Variants in KLF12 observed in about 807,000 individuals in gnomAD.
KLF12 encodes the protein Krueppel-like factor 12.
A neutral mutation model predicts 37.8 loss-of-function variants in KLF12; 9 were observed. The ratio of observed to expected loss-of-function variants is 0.24; its 90% CI spans 0.14 to 0.42. KLF12 has a LOEUF of 0.42. KLF12 is among the 10% of genes least tolerant of loss of function. The probability of loss-of-function intolerance (pLI) is 1.00; values close to 1 mark genes in which losing one functional copy is unlikely to be tolerated. For missense variants in KLF12, 411 were observed against 516.0 expected, an observed-to-expected ratio of 0.80 and a Z score of 1.97; for synonymous variants, 208 against 202.1, an observed-to-expected ratio of 1.03 and a Z score of -0.25.
chr13:74,077,138 T>C (rs1431218659), intron 1 of KLF12, among the ~76,000 whole-genome samples: 1 of 152,148 alleles, frequency 6.6e-6, no homozygotes, highest in South Asian at 2.1e-4. Context: ...GCAGAATAAT[T>C]TGTATTCCTC....
At chr13:73,989,952 G>A (rs1286956994) in intron 2 of KLF12, among the ~76,000 whole-genome samples, 2 of 145,262 alleles carry the variant, frequency 1.4e-5, no homozygotes, top group African/African-American at 5.0e-5. Context: ...AGAGGTACAA[G>A]TGTAAGTTCA....
intron 3 of KLF12, among the ~76,000 whole-genome samples, chr13:73,876,283 C>T (rs367717004): frequency 6.6e-6 from 1 of 152,140 alleles, no homozygotes; most frequent in African/African-American, 2.4e-5. Context: ...AGATGCCTTT[C>T]GGCTTTTAGC....
At chr13:74,019,637 CA>C (rs1199112945) in intron 1 of KLF12, among the ~76,000 whole-genome samples, 2 of 152,174 alleles carry the variant, frequency 1.3e-5, no homozygotes, top group Non-Finnish European at 2.9e-5. Context: ...GATTAAAATA[CA>C]ATTTCTCCTT....
intron 1 of KLF12, among the ~76,000 whole-genome samples, chr13:74,131,066 C>T (rs1164145521): frequency 6.6e-6 from 1 of 152,192 alleles, no homozygotes; most frequent in Non-Finnish European, 1.5e-5. Context: ...CCAACACTGG[C>T]TTGAATTCAA....
chr13:73,738,190 GC>G (rs563743754), intron 6 of KLF12, among the ~76,000 whole-genome samples: 60 of 135,224 alleles, frequency 4.4e-4, no homozygotes, highest in Non-Finnish European at 7.4e-4. Flanking sequence ...TGTCACCCAG[GC>G]TAGAGTGCAG....
intron 3 of KLF12, among the ~76,000 whole-genome samples, chr13:73,926,745 G>C (rs1889396501): frequency 6.6e-6 from 1 of 151,698 alleles, no homozygotes; most frequent in Non-Finnish European, 1.5e-5. Flanking sequence ...AAATGGTTCG[G>C]TTTTAAGCAC....
intron 2 of KLF12, among the ~76,000 whole-genome samples, chr13:73,962,820 A>G (rs1327760051): frequency 6.6e-6 from 1 of 152,212 alleles, no homozygotes; most frequent in Non-Finnish European, 1.5e-5. Context: ...TATAATTAAT[A>G]TTTAGACATA....
intron 2 of KLF12, among the ~76,000 whole-genome samples, chr13:73,976,691 G>C (rs1891533709): frequency 6.6e-6 from 1 of 152,164 alleles, no homozygotes; most frequent in Non-Finnish European, 1.5e-5. Flanking sequence ...TCATCACGCT[G>C]AAAGAAACTA....
intron 1 of KLF12, among the ~76,000 whole-genome samples, chr13:74,069,071 G>A (rs796442555): frequency 1.8e-4 from 28 of 152,204 alleles, no homozygotes; most frequent in African/African-American, 6.7e-4. Context: ...AAATGTAATG[G>A]GATAGACAGA....
At chr13:74,002,186 C>T (rs148900178) in intron 1 of KLF12, among the ~76,000 whole-genome samples, 14 of 152,184 alleles carry the variant, frequency 9.2e-5, no homozygotes, top group Admixed American at 5.2e-4. Context: ...TATGTATCTC[C>T]GAATCTGCTC....
At chr13:73,873,363 G>C (rs1355534002) in intron 3 of KLF12, among the ~76,000 whole-genome samples, 1 of 152,092 alleles carries the variant, frequency 6.6e-6, no homozygotes, top group Non-Finnish European at 1.5e-5. Flanking sequence ...TATGGCTTGA[G>C]ATTTCAATCA....
the KLF12 span, among the ~76,000 whole-genome samples, chr13:74,172,219 T>C: frequency 6.6e-6 from 1 of 151,586 alleles, no homozygotes; most frequent in Non-Finnish European, 1.5e-5. Context: ...CAAAAGATAG[T>C]GTACATTTAT....
chr13:73,748,624 C>T (rs1214085325), intron 6 of KLF12, among the ~76,000 whole-genome samples: 1 of 152,182 alleles, frequency 6.6e-6, no homozygotes, highest in African/African-American at 2.4e-5. Flanking sequence ...GACTTCCCAG[C>T]CTCCAGAACT....
At chr13:73,908,780 G>C (rs773932590) in intron 3 of KLF12, among the ~76,000 whole-genome samples, 2 of 152,008 alleles carry the variant, frequency 1.3e-5, no homozygotes, top group Non-Finnish European at 2.9e-5. Flanking sequence ...GCGCCTGGCC[G>C]GTTTTCATTT....
chr13:73,787,524 T>C (rs908287767), intron 5 of KLF12, among the ~76,000 whole-genome samples: 3 of 152,218 alleles, frequency 2.0e-5, no homozygotes, highest in Non-Finnish European at 4.4e-5. Flanking sequence ...TGTGCCATGT[T>C]CTCTGCTAAG....
chr13:74,254,777 T>TGTGTGTGTGTGTTTGTGTGC, the KLF12 span, among the ~76,000 whole-genome samples: 1 of 151,954 alleles, frequency 6.6e-6, no homozygotes, highest in Admixed American at 6.6e-5. Context: ...TTTGCGTGTA[T>TGTGTGTGTGTGTTTGTGTGC]GTGTGTGTGT....
the KLF12 span, among the ~76,000 whole-genome samples, chr13:74,214,117 ATTT>A: frequency 6.6e-6 from 1 of 152,056 alleles, no homozygotes; most frequent in African/African-American, 2.4e-5. Flanking sequence ...TATGATTTTT[ATTT>A]TTTATTTGCC....
chr13:74,101,635 G>A (rs973213486), intron 1 of KLF12, among the ~76,000 whole-genome samples: 4 of 152,166 alleles, frequency 2.6e-5, no homozygotes, highest in African/African-American at 9.7e-5. Flanking sequence ...AAATAAGGAA[G>A]TGCTGAAAGA....
chr13:73,963,195 A>G (rs1891071215), intron 2 of KLF12, among the ~76,000 whole-genome samples: 1 of 152,146 alleles, frequency 6.6e-6, no homozygotes, highest in Non-Finnish European at 1.5e-5. Context: ...TTTGTGCCAG[A>G]AGATGTAAGA....
Sources: allele counts gnomAD v4.1 joint callset (sites outside exome capture counted in the v4.1 genomes callset), GRCh38; gene constraint gnomAD v4.1.1; transcripts MANE v1.5; gene names NCBI Gene and HGNC (gene_info 2026-07-23, HGNC 2026-07-21).